The following ANKS1B variants were observed in gnomAD, a reference collection of about 807,000 sequenced individuals.
ANKS1B encodes ankyrin repeat and sterile alpha motif domain containing 1B.
Under a neutral mutation model 148.3 loss-of-function variants are expected in ANKS1B, and 36 were observed. That is an observed-to-expected ratio of 0.24 (90% CI 0.19 to 0.32). The LOEUF (loss-of-function observed/expected upper bound fraction) is 0.32. ANKS1B is among the 10% of genes least tolerant of loss of function. The pLI is 1.00. For synonymous variants in ANKS1B, 542 were observed against 560.8 expected, an observed-to-expected ratio of 0.97 and a Z score of 0.47; for missense variants, 1,157 against 1,542.6, an observed-to-expected ratio of 0.75 and a Z score of 4.19.
At chr12:99,818,382 G>A (rs571847934) in intron 2 of ANKS1B, among the ~76,000 whole-genome samples, 28 of 151,838 alleles carry the variant, frequency 1.8e-4, no homozygotes, top group African/African-American at 6.5e-4. Flanking sequence ...ATAAACATGC[G>A]TGTTCAAGTA....
At chr12:98,956,540 A>G (rs1483174679) in intron 17 of ANKS1B, 1 of 152,070 alleles carries the variant, frequency 6.6e-6, no homozygotes, top group Non-Finnish European at 1.5e-5. Context: ...TCTTAGATTT[A>G]TTATCCCCCC....
rs147184880 is a variant in ANKS1B, at chr12:99,665,504, A to G, written c.1129-10294T>C. The stretch of plus-strand genomic sequence containing the variant: ...GTTCGACTTCTTTTTTTTTTTTTAG[A>G]CGGAGTATCACTCTGTTGCCCAGGC... On this transcript the variant is annotated intron_variant, in intron 8 of 26. Coordinates refer to ENST00000683438, the MANE Select transcript of ANKS1B (RefSeq NM_001352186.2). 1.4e-3 allele frequency among the ~76,000 whole-genome samples: 206 copies of G among 149,716 alleles called. 1 individual carries two copies. Among genetic ancestry groups the G allele is most frequent in the African/African-American group, 3.5e-3 (140 of 40,544 alleles).
intron 15 of ANKS1B, among the ~76,000 whole-genome samples, chr12:99,118,974 T>G (rs1319732669): frequency 6.6e-6 from 1 of 152,198 alleles, no homozygotes; most frequent in African/African-American, 2.4e-5. Flanking sequence ...CTGAGTTTAC[T>G]TCACACCAGC....
Position 99,950,113 on chromosome 12 carries a change from A to ATTTTTTTTTT in ANKS1B, c.134+33981_134+33990dup, listed in dbSNP as rs35287842. On this transcript the variant is annotated intron_variant, in intron 1 of 26. Transcript: ENST00000683438. Reference sequence around the variant, plus strand: ...AGGTGCACGCCATCATGCTCAGTTAATTTTTTTTTTTTTTTTTTTTTTTTT... The same window carrying ATTTTTTTTTT: ...AGGTGCACGCCATCATGCTCAGTTAATTTTTTTTTTTTTTTTTTTTTTTTTTTTTTTTTTT... 3.0e-3 allele frequency among the ~76,000 whole-genome samples: 276 copies of ATTTTTTTTTT among 90,536 alleles called. 20 individuals carry two copies. Among genetic ancestry groups the ATTTTTTTTTT allele is most frequent in the African/African-American group, 0.013 (266 of 20,104 alleles). 59.4% of individuals were successfully genotyped at this position (90,536 alleles called of 152,430 possible).
At chr12:99,453,044 A>T (rs2095777943) in intron 10 of ANKS1B, among the ~76,000 whole-genome samples, 3 of 152,168 alleles carry the variant, frequency 2.0e-5, no homozygotes. Flanking sequence ...TAATCCTAGC[A>T]CTTTGGGAGG....
At chr12:99,559,414 A>G (rs920914824) in intron 9 of ANKS1B, among the ~76,000 whole-genome samples, 26 of 152,164 alleles carry the variant, frequency 1.7e-4, no homozygotes, top group Admixed American at 1.6e-3. Context: ...ACATCTCTCA[A>G]TCAGTGATGA....
chr12:98,986,885 C>T (rs1297595288), intron 17 of ANKS1B, among the ~76,000 whole-genome samples: 1 of 152,028 alleles, frequency 6.6e-6, no homozygotes, highest in Non-Finnish European at 1.5e-5. Context: ...TCCGAAAGTG[C>T]TTAGATTATA....
intron 9 of ANKS1B, among the ~76,000 whole-genome samples, chr12:99,523,767 T>A (rs1422130387): frequency 6.6e-6 from 1 of 151,836 alleles, no homozygotes; most frequent in Non-Finnish European, 1.5e-5. Context: ...TTAGCCAGGA[T>A]GGTCTCAATC....
At chr12:99,512,744 C>T (rs907918915) in intron 9 of ANKS1B, among the ~76,000 whole-genome samples, 5 of 152,006 alleles carry the variant, frequency 3.3e-5, no homozygotes, top group Non-Finnish European at 7.4e-5. Flanking sequence ...AGATCATGTC[C>T]TTTGCAGGGA....
chr12:99,183,625 AAGAG>A (rs1473822352), intron 14 of ANKS1B, among the ~76,000 whole-genome samples: 8 of 152,186 alleles, frequency 5.3e-5, no homozygotes, highest in Admixed American at 2.0e-4. Context: ...CCTGGGTAAC[AAGAG>A]CAAAACTCCA....
intron 19 of ANKS1B, among the ~76,000 whole-genome samples, chr12:98,826,831 T>C (rs1396921700): frequency 6.6e-6 from 1 of 152,204 alleles, no homozygotes; most frequent in African/African-American, 2.4e-5. Context: ...TTTTAATTGC[T>C]AATTCAAGTC....
chr12:99,440,038 C>G (rs2152781509), intron 11 of ANKS1B, among the ~76,000 whole-genome samples: 1 of 151,766 alleles, frequency 6.6e-6, no homozygotes, highest in East Asian at 1.9e-4. Flanking sequence ...GATACGCACA[C>G]AGAAAACATA....
chr12:98,782,770 C>A (rs1322394886), intron 22 of ANKS1B, among the ~76,000 whole-genome samples: 1 of 152,206 alleles, frequency 6.6e-6, no homozygotes, highest in African/African-American at 2.4e-5. Flanking sequence ...AAAAGCAGCT[C>A]TCTTGCTTTT....
intron 8 of ANKS1B, among the ~76,000 whole-genome samples, chr12:99,673,166 T>C (rs1365636435): frequency 6.6e-6 from 1 of 151,900 alleles, no homozygotes; most frequent in East Asian, 1.9e-4. Flanking sequence ...AAAAATATAA[T>C]AGAAGAAAAC....
At chr12:99,957,837 C>T (rs2095346809) in intron 1 of ANKS1B, among the ~76,000 whole-genome samples, 2 of 152,166 alleles carry the variant, frequency 1.3e-5, no homozygotes, top group Non-Finnish European at 2.9e-5. Context: ...TTAGCATGTG[C>T]CCTGTTCTGT....
chr12:99,394,363 C>T (rs1292222138), intron 12 of ANKS1B, among the ~76,000 whole-genome samples: 1 of 151,992 alleles, frequency 6.6e-6, no homozygotes, highest in Admixed American at 6.6e-5. Context: ...ATTCATCATC[C>T]CCTCTTTCTC....
intron 1 of ANKS1B, among the ~76,000 whole-genome samples, chr12:99,901,322 T>A (rs1171390956): frequency 6.6e-6 from 1 of 152,196 alleles, no homozygotes; most frequent in Non-Finnish European, 1.5e-5. Context: ...CTCACAACTG[T>A]CAGCCTGTGC....
chr12:99,527,042 A>G (rs1339372814), intron 9 of ANKS1B, among the ~76,000 whole-genome samples: 3 of 152,214 alleles, frequency 2.0e-5, no homozygotes, highest in Admixed American at 2.0e-4. Flanking sequence ...GAAAACCAAC[A>G]GGAATGGAAC....
rs545652038 is a variant in ANKS1B, at chr12:98,993,693, T to C, written c.2778+59464A>G. On this transcript the variant is annotated intron_variant, in intron 17 of 26. Transcript: ENST00000683438. ...TAGGCAAGATTTTATTCTTCATGTGTGATATATTTTGGTAATTAAGGAGTC... is the reference window on the plus strand; with the variant it reads ...TAGGCAAGATTTTATTCTTCATGTGCGATATATTTTGGTAATTAAGGAGTC... 5.3e-5 allele frequency among the ~76,000 whole-genome samples: 8 copies of C among 152,336 alleles called. No homozygotes were observed. In the East Asian group the frequency reaches 1.5e-3, roughly 29 times the overall value.
Sources: allele counts gnomAD v4.1 joint callset (sites outside exome capture counted in the v4.1 genomes callset), GRCh38; gene constraint gnomAD v4.1.1; transcripts MANE v1.5; gene names NCBI Gene and HGNC (gene_info 2026-07-23, HGNC 2026-07-21).